RAB3GAP2: variants seen among roughly 807,000 people sequenced by gnomAD.
RAB3GAP2 encodes the protein RAB3 GTPase activating non-catalytic protein subunit 2.
A neutral mutation model predicts 185.3 loss-of-function variants in RAB3GAP2; 87 were observed. The observed-to-expected ratio is 0.47, with a 90% CI of 0.39 to 0.56. The LOEUF (loss-of-function observed/expected upper bound fraction) is 0.56. Among genes scored for constraint, RAB3GAP2 ranks in the 20% least tolerant of loss-of-function variants. The pLI is 0.00. For synonymous variants in RAB3GAP2, 554 were observed against 576.1 expected (o/e 0.96, Z 0.55); for missense variants, 1,492 against 1,638.2 (o/e 0.91, Z 1.54).
At position 220,164,757 on chromosome 1, in the gene RAB3GAP2, T is replaced by C. The variant is rs368679610; in HGVS notation, c.3130A>G (p.Ile1044Val). The C allele has an allele frequency of 1.9e-6, 3 of 1,608,250 alleles. No homozygotes were observed. In the African/African-American group the frequency reaches 4.0e-5, roughly 21 times the overall value. ...FVRSIEHLKQ[I>V]FNAHVQNGIA... is the part of the protein sequence containing the mutation. ...CCATTTTGAACATGTGCATTAAATA[T>C]TTGCTTCAAGTGTTCTATTGACCTA... is the stretch of plus-strand genomic sequence containing the variant. Residue 1044 changes from isoleucine to valine, a missense_variant, in exon 27 of 35, where the codon ATA (isoleucine) becomes GTA (valine). This residue lies in a region of RAB3GAP2 where 387 missense variants were observed against 455.3 expected (regional missense o/e 0.85). Coordinates refer to ENST00000358951, the MANE Select transcript of RAB3GAP2 (RefSeq NM_012414.4).
At chr1:220,205,631 A>T (rs1238231453) in intron 8 of RAB3GAP2, among the ~76,000 whole-genome samples, 1 of 152,222 alleles carries the variant, frequency 6.6e-6, no homozygotes, top group African/African-American at 2.4e-5. Context: ...TAGCTAGCCA[A>T]GACATACTGC....
intron 1 of RAB3GAP2, among the ~76,000 whole-genome samples, chr1:220,239,569 A>C (rs552593882): frequency 5.3e-5 from 8 of 152,220 alleles, no homozygotes; most frequent in African/African-American, 1.9e-4. Context: ...AATATTAATA[A>C]TTTTTTTCTA....
intron 1 of RAB3GAP2, among the ~76,000 whole-genome samples, chr1:220,245,176 G>A (rs1011708219): frequency 2.0e-5 from 3 of 152,032 alleles, no homozygotes; most frequent in South Asian, 2.1e-4. Context: ...CAAGATGGCC[G>A]AATAGGAACA....
intron 1 of RAB3GAP2, among the ~76,000 whole-genome samples, chr1:220,236,473 G>A (rs1471634487): frequency 6.6e-6 from 1 of 151,914 alleles, no homozygotes; most frequent in African/African-American, 2.4e-5. Flanking sequence ...ACTGCGCTCC[G>A]CCCCTTGTGG....
chr1:220,235,804 C>G (rs1160234031), intron 1 of RAB3GAP2, among the ~76,000 whole-genome samples: 1 of 152,170 alleles, frequency 6.6e-6, no homozygotes, highest in African/African-American at 2.4e-5. Context: ...GACCCAGTAT[C>G]TCTCTATGCC....
At position 220,214,946 on chromosome 1, in the gene RAB3GAP2, T is replaced by TTATATATATATATATATATATA. The variant is rs10526805; in HGVS notation, c.181-989_181-968dup. On this transcript the variant is annotated intron_variant, in intron 2 of 34. Transcript: ENST00000358951. ...CCTTTTTCTTACAAGAATAGTAGCA[T>TTATATATATATATATATATATA]TATATATATATATATATATATATAT... is the stretch of plus-strand genomic sequence containing the variant. Among the ~76,000 whole-genome samples the TTATATATATATATATATATATA allele has an allele frequency of 4.5e-4, 40 of 89,602 alleles. 1 individual carries two copies. The highest frequency in any genetic ancestry group is 9.2e-4 in the East Asian group (2 of 2,166). The allele number at this position is 89,602 out of a possible 152,430, so 58.8% of individuals were successfully genotyped here. A position where few individuals can be genotyped will look rare whatever the true frequency, so the allele number is the denominator to read the frequency against.
rs1173893431 is a variant in RAB3GAP2, at chr1:220,150,577, C to A, written c.*674G>T. ...AACTTACATTATAATTAATTTGCTG[C>A]ATTTTACACATCTCTGATTCTCAAT... On this transcript the variant is annotated 3_prime_UTR_variant, in exon 35 of 35. Transcript: ENST00000358951. The A allele has an allele frequency of 6.6e-6, 1 of 151,722 alleles. No homozygotes were observed. The highest frequency in any genetic ancestry group is 1.9e-4 in the East Asian group (1 of 5,148). The allele number at this position is 151,722 out of a possible 1,614,324, so 9.4% of individuals were successfully genotyped here.
chr1:220,202,179 A>ATAC, intron 9 of RAB3GAP2, 97 bp downstream of exon 9: 1 of 1,294,482 alleles, frequency 7.7e-7, no homozygotes, highest in Non-Finnish European at 1.0e-6. Flanking sequence ...AATAATAATA[A>ATAC]TAAATAAAGA....
rs141107093 is a variant in RAB3GAP2 at position 220,179,451 on chromosome 1, A to AATGG, written c.2310+2802_2310+2805dup. On this transcript the variant is annotated intron_variant, in intron 21 of 34. Transcript: ENST00000358951. ...AGAGGTCTTCAACCTCACTTTCAGG[A>AATGG]ATGGACAGATCTTCCAGGTAGAACA... 1.5e-3 allele frequency among the ~76,000 whole-genome samples: 228 copies of AATGG among 152,254 alleles called. 2 individuals are homozygous for AATGG. Among genetic ancestry groups the AATGG allele is most frequent in the African/African-American group, 5.4e-3 (224 of 41,548 alleles).
chr1:220,218,793 T>C (rs1163974248), intron 2 of RAB3GAP2, among the ~76,000 whole-genome samples: 2 of 151,818 alleles, frequency 1.3e-5, no homozygotes, highest in African/African-American at 4.8e-5. Context: ...GGTGTTGTGC[T>C]CTTAATACAA....
rs770740537 is a variant in RAB3GAP2, at chr1:220,164,799, C to G, written c.3088G>C (p.Glu1030Gln). Residue 1030 changes from glutamate to glutamine, a missense_variant and splice_region_variant, in exon 27 of 35, where the codon GAA becomes CAA. By Grantham distance (29) the Glu-to-Gln change is conservative (BLOSUM62 2). Transcript: ENST00000358951. ...YVVQWNKDPE[E>Q]ARFFVRSIEH... ...ATTGACCTAACAAAAAAACGTGCTTCCTTACATACAGGGAGAAAAAAACGA... is the reference window on the plus strand; with the variant it reads ...ATTGACCTAACAAAAAAACGTGCTTGCTTACATACAGGGAGAAAAAAACGA... 14 of 1,606,918 alleles carry G rather than the reference C, an allele frequency of 8.7e-6. No individual in the cohort carries two copies. The highest frequency in any genetic ancestry group is 1.2e-5 in the Non-Finnish European group (14 of 1,175,686).
chr1:220,166,194 T>C (rs1395076765), intron 26 of RAB3GAP2, among the ~76,000 whole-genome samples: 1 of 152,212 alleles, frequency 6.6e-6, no homozygotes, highest in Non-Finnish European at 1.5e-5. Context: ...TCAAAGACTA[T>C]TCCTTTATTT....
Position 220,200,469 on chromosome 1 carries a change from CATT to C in RAB3GAP2, c.811+1804_811+1806del, listed in dbSNP as rs1658828289. 247 of 437,394 alleles carry C rather than the reference CATT, an allele frequency of 5.6e-4. 1 individual carries two copies. Among genetic ancestry groups the C allele is most frequent in the South Asian group, 4.1e-3 (222 of 54,092 alleles). The allele number at this position is 437,394 out of a possible 1,614,324, so 27.1% of individuals were successfully genotyped here. A position where few individuals can be genotyped will look rare whatever the true frequency, so the allele number is the denominator to read the frequency against. ...TCTAGCACAAATATTAATAGGTACT[CATT>C]TATTTGTTGAATAAATTAACCAGAC... On this transcript the variant is annotated intron_variant, in intron 9 of 34. Coordinates refer to ENST00000358951, the MANE Select transcript of RAB3GAP2 (RefSeq NM_012414.4).
chr1:220,158,422 G>C lies in RAB3GAP2; in HGVS notation c.3262-546C>G, dbSNP rs952344457. Among the ~76,000 whole-genome samples, 2 of 151,970 alleles carry C rather than the reference G, an allele frequency of 1.3e-5. No individual in the cohort carries two copies. The highest frequency in any genetic ancestry group is 1.3e-4 in the Admixed American group (2 of 15,252). On this transcript the variant is annotated intron_variant, in intron 29 of 34. Transcript: ENST00000358951. This position sits in a 1 kb window ranked among gnomAD's most constrained non-coding sequence, Gnocchi z 4.3. Reference sequence around the variant, plus strand: ...ACTCCTTTAAAGGGCTTGTCCAAGGGACCACTGCATTTGTGTATAATCTTT... The same window carrying C: ...ACTCCTTTAAAGGGCTTGTCCAAGGCACCACTGCATTTGTGTATAATCTTT...
chr1:220,185,759 A>G lies in RAB3GAP2; in HGVS notation c.1780-18T>C, dbSNP rs889094341. The G allele has an allele frequency of 3.8e-6, 6 of 1,580,564 alleles. No homozygotes were observed. The highest frequency in any genetic ancestry group is 4.3e-6 in the Non-Finnish European group (5 of 1,150,264). ...TCCAAAGCCTAGGAGAAAGATATTGAACAGTTCTAGTAATTATAAGGCAGT... is the reference window on the plus strand; with the variant it reads ...TCCAAAGCCTAGGAGAAAGATATTGGACAGTTCTAGTAATTATAAGGCAGT... On this transcript the variant is annotated intron_variant, in intron 17 of 34. Transcript: ENST00000358951.
At chr1:220,187,823 C>T (rs753606102) in intron 17 of RAB3GAP2, among the ~76,000 whole-genome samples, 6 of 151,958 alleles carry the variant, frequency 3.9e-5, no homozygotes, top group Admixed American at 6.6e-5. Flanking sequence ...TCAAGTAAAA[C>T]GTTTCCCTGA....
intron 2 of RAB3GAP2, among the ~76,000 whole-genome samples, chr1:220,215,937 T>G (rs1283131515): frequency 6.6e-6 from 1 of 152,176 alleles, no homozygotes; most frequent in Non-Finnish European, 1.5e-5. Flanking sequence ...TTACAAGCAT[T>G]ATAAAATTTA....
intron 33 of RAB3GAP2, among the ~76,000 whole-genome samples, chr1:220,152,471 A>C (rs543684406): frequency 6.6e-6 from 1 of 152,056 alleles, no homozygotes; most frequent in African/African-American, 2.4e-5. Context: ...CTCATGCCAT[A>C]CTTCTTTATT....
At chr1:220,153,149 CTT>C in intron 33 of RAB3GAP2, 34 bp downstream of exon 33, 3 of 1,490,598 alleles carry the variant, frequency 2.0e-6, no homozygotes, top group Non-Finnish European at 2.8e-6. Context: ...AATTTTATAA[CTT>C]GAGCCCAATT....
Sources: gnomAD v4.1 joint callset for allele counts (sites outside exome capture counted in the v4.1 genomes callset) on GRCh38, gnomAD v4.1.1 for gene constraint, gnomAD v4.1.1 regional missense constraint, Gnocchi (gnomAD v3.1) non-coding constraint, MANE v1.5 for transcripts, NCBI Gene and HGNC (gene_info 2026-07-23, HGNC 2026-07-21) for gene names.